The following CATSPERB variants were observed in gnomAD, a reference collection of about 807,000 sequenced individuals.
CATSPERB encodes cation channel sperm-associated auxiliary subunit beta.
A neutral mutation model predicts 128.3 loss-of-function variants in CATSPERB; 93 were observed. The observed-to-expected ratio is 0.72, with a 90% CI of 0.61 to 0.86. The LOEUF is 0.86. Among genes scored for constraint, CATSPERB ranks in the 40% least tolerant of loss-of-function variants. CATSPERB has a pLI of 0.00. For synonymous variants in CATSPERB, 381 were observed against 448.8 expected (o/e 0.85, Z 1.91); for missense variants, 1,153 against 1,329.5 (o/e 0.87, Z 2.06).
At chr14:91,667,118 AT>A (rs1894998291) in intron 14 of CATSPERB, among the ~76,000 whole-genome samples, 1 of 152,276 alleles carries the variant, frequency 6.6e-6, no homozygotes, top group Non-Finnish European at 1.5e-5. Flanking sequence ...GGGAAAAAGT[AT>A]AAATGTGTAT....
intron 14 of CATSPERB, among the ~76,000 whole-genome samples, chr14:91,664,092 C>T (rs1023318791): frequency 5.3e-5 from 8 of 152,100 alleles, no homozygotes; most frequent in African/African-American, 1.7e-4. Context: ...CCTCTGTTCT[C>T]GGCCTATTCA....
At chr14:91,581,179 C>T (rs929322198) in intron 26 of CATSPERB, 72 bp from the exon 27 acceptor site, 6 of 1,245,376 alleles carry the variant, frequency 4.8e-6, no homozygotes, top group Admixed American at 2.2e-5. Context: ...TTTAATGTTC[C>T]CCACAATTAA....
intron 15 of CATSPERB, among the ~76,000 whole-genome samples, chr14:91,640,874 G>A (rs898152379): frequency 1.3e-5 from 2 of 151,246 alleles, no homozygotes; most frequent in African/African-American, 4.9e-5. Flanking sequence ...GTGTAAAAGT[G>A]TTCCTATTTC....
chr14:91,712,860 C>T (rs1437249848), intron 5 of CATSPERB, among the ~76,000 whole-genome samples: 1 of 152,194 alleles, frequency 6.6e-6, no homozygotes, highest in Non-Finnish European at 1.5e-5. Context: ...ACATCTTTGG[C>T]TGTGCTAGGA....
chr14:91,654,204 A>T (rs1158270972), intron 15 of CATSPERB, among the ~76,000 whole-genome samples: 1 of 152,180 alleles, frequency 6.6e-6, no homozygotes, highest in African/African-American at 2.4e-5. Flanking sequence ...CAGGAACATC[A>T]AATTGAACAA....
At chr14:91,686,249 C>T (rs1373136108) in intron 10 of CATSPERB, among the ~76,000 whole-genome samples, 14 of 152,120 alleles carry the variant, frequency 9.2e-5, no homozygotes, top group Admixed American at 9.2e-4. Context: ...GATCTAGCCC[C>T]CTCAGTTGAA....
chr14:91,716,514 G>C (rs1895941935), intron 5 of CATSPERB, among the ~76,000 whole-genome samples: 1 of 152,012 alleles, frequency 6.6e-6, no homozygotes, highest in Non-Finnish European at 1.5e-5. Flanking sequence ...GGAGGCGGAG[G>C]CTGCAGTGAG....
In CATSPERB at chr14:91,634,221, G is replaced by A. The variant is rs185696722; in HGVS notation, c.1742+2204C>T. On this transcript the variant is annotated intron_variant, in intron 17 of 26. Coordinates refer to ENST00000256343, the MANE Select transcript of CATSPERB (RefSeq NM_024764.4). Reference sequence around the variant, plus strand: ...GGGAAAAAATGTTATTAAGAAAATCGTAAGAAAGGGAAAATATATTTATTA... The same window carrying A: ...GGGAAAAAATGTTATTAAGAAAATCATAAGAAAGGGAAAATATATTTATTA... Among the ~76,000 whole-genome samples, 554 of 152,190 alleles carry A rather than the reference G, an allele frequency of 3.6e-3. 2 individuals are homozygous for A. The highest frequency in any genetic ancestry group is 5.2e-3 in the Non-Finnish European group (356 of 67,996).
At chr14:91,665,293 C>T (rs1255781140) in intron 14 of CATSPERB, among the ~76,000 whole-genome samples, 6 of 152,172 alleles carry the variant, frequency 3.9e-5, no homozygotes, top group African/African-American at 1.2e-4. Context: ...CTGTTAGTTT[C>T]CAATCCATGC....
intron 15 of CATSPERB, among the ~76,000 whole-genome samples, chr14:91,640,356 C>T (rs1894470444): frequency 7.1e-6 from 1 of 141,646 alleles, no homozygotes; most frequent in South Asian, 2.4e-4. Context: ...AACTCGTCAT[C>T]TAGCATTAGG....
At chr14:91,604,521 A>G in intron 22 of CATSPERB, 2 of 1,604,890 alleles carry the variant, frequency 1.2e-6, no homozygotes, top group Non-Finnish European at 1.7e-6. Context: ...GCAGCTTCCA[A>G]GGCAGCCTCC....
At chr14:91,694,548 G>C (rs1301078070) in intron 7 of CATSPERB, among the ~76,000 whole-genome samples, 2 of 149,536 alleles carry the variant, frequency 1.3e-5, no homozygotes, top group East Asian at 3.9e-4. Context: ...CTCCCTAACA[G>C]TACCCTTCTA....
At chr14:91,661,165 T>G (rs1306382327) in intron 14 of CATSPERB, among the ~76,000 whole-genome samples, 1 of 152,056 alleles carries the variant, frequency 6.6e-6, no homozygotes, top group Non-Finnish European at 1.5e-5. Flanking sequence ...AGCAGGGAGG[T>G]AGTTAGGTGT....
At chr14:91,653,063 GA>G (rs1335307410) in intron 15 of CATSPERB, among the ~76,000 whole-genome samples, 1 of 152,136 alleles carries the variant, frequency 6.6e-6, no homozygotes, top group Non-Finnish European at 1.5e-5. Flanking sequence ...TTTTGCTGGT[GA>G]ACATCAAGGA....
chr14:91,708,219 C>A lies in CATSPERB; in HGVS notation c.388G>T (p.Glu130Ter), dbSNP rs1330800743. ...TGTAAAGTGATTCTTACTAACCATT[C>A]TTCTACAGCTGCAATATCTGTTTGA... ...TQSTDIAAVE[E>*]WLVRITLHHG... Residue 130 changes from glutamate (E) to a stop codon, truncating the protein, a stop_gained, in exon 6 of 27, where the codon GAA becomes TAA. Coordinates refer to ENST00000256343, the MANE Select transcript of CATSPERB (RefSeq NM_024764.4). LOFTEE classifies it high-confidence loss of function. 2.5e-6 allele frequency: 4 copies of A among 1,603,610 alleles called. No homozygotes were observed. Among genetic ancestry groups the A allele is most frequent in the Non-Finnish European group, 2.6e-6 (3 of 1,173,656 alleles).
intron 19 of CATSPERB, among the ~76,000 whole-genome samples, chr14:91,621,106 A>T (rs1212017896): frequency 2.0e-5 from 3 of 152,238 alleles, no homozygotes; most frequent in African/African-American, 7.2e-5. Flanking sequence ...AAATAAAATA[A>T]TGTATAGAAA....
chr14:91,701,383 G>A (rs1003799750), intron 7 of CATSPERB, among the ~76,000 whole-genome samples: 3 of 152,118 alleles, frequency 2.0e-5, no homozygotes, highest in African/African-American at 4.8e-5. Flanking sequence ...GTCATCTGAG[G>A]ATGACCCAGT....
At chr14:91,670,116 C>A in intron 13 of CATSPERB, 144 bp from the exon 14 acceptor site, 1 of 700,570 alleles carries the variant, frequency 1.4e-6, no homozygotes, top group East Asian at 2.8e-5. Context: ...ATTGTTACCT[C>A]TTTACTCCAC....
At chr14:91,631,600 G>A (rs1894278271) in intron 17 of CATSPERB, among the ~76,000 whole-genome samples, 2 of 152,062 alleles carry the variant, frequency 1.3e-5, no homozygotes, top group Admixed American at 1.3e-4. Context: ...AGGAGGCGGA[G>A]GTTGCAGTGA....
Sources: gnomAD v4.1 joint callset for allele counts (sites outside exome capture counted in the v4.1 genomes callset) on GRCh38, gnomAD v4.1.1 for gene constraint, MANE v1.5 for transcripts, NCBI Gene and HGNC (gene_info 2026-07-23, HGNC 2026-07-21) for gene names.